PRMT8: variants seen among roughly 807,000 people sequenced by gnomAD.
PRMT8 encodes protein arginine methyltransferase 8.
A neutral mutation model predicts 47.1 loss-of-function variants in PRMT8; 7 were observed. The observed-to-expected ratio is 0.15, with a 90% CI of 0.08 to 0.28. The LOEUF is 0.28. Among genes scored for constraint, PRMT8 ranks in the 10% least tolerant of loss-of-function variants. The pLI, the probability that PRMT8 is intolerant of heterozygous loss-of-function variation, is 1.00. For missense variants in PRMT8, 237 were observed against 505.4 expected (o/e 0.47, Z 5.09); for synonymous variants, 188 against 186.5 (o/e 1.01, Z -0.07).
intron 1 of PRMT8, among the ~76,000 whole-genome samples, chr12:3,464,625 G>A (rs1403242831): frequency 6.6e-6 from 1 of 151,996 alleles, no homozygotes; most frequent in African/African-American, 2.4e-5. Context: ...CTGCCCTTAA[G>A]GGAAGAAAAG....
At chr12:3,466,853 T>C (rs1865101485) in intron 1 of PRMT8, among the ~76,000 whole-genome samples, 3 of 152,308 alleles carry the variant, frequency 2.0e-5, no homozygotes, top group Non-Finnish European at 2.9e-5. Context: ...CCTTCACTTA[T>C]TGCTGTATGG....
intron 1 of PRMT8, among the ~76,000 whole-genome samples, chr12:3,468,095 A>G (rs973071951): frequency 3.3e-5 from 5 of 152,226 alleles, no homozygotes; most frequent in African/African-American, 1.2e-4. Flanking sequence ...CAAAGGAAGA[A>G]TGTCCAGCAG....
At position 3,485,130 on chromosome 12, in the gene PRMT8, TA is replaced by T. The variant is rs147160341; in HGVS notation, c.49-55474del. Among the ~76,000 whole-genome samples, 1,169 of 152,296 alleles carry T rather than the reference TA, an allele frequency of 7.7e-3. 14 individuals carry two copies. Among genetic ancestry groups the T allele is most frequent in the African/African-American group, 0.026 (1,080 of 41,548 alleles). ...TTTTTCGGATCACAGTACTTCTTGG[TA>T]ACATGAAATCCATGCTCTGTTGCCC... On this transcript the variant is annotated intron_variant, in intron 1 of 9. Transcript: ENST00000452611.
rs918893456 is a variant in PRMT8, at chr12:3,508,127, T to G, written c.75+16427T>G. Among the ~76,000 whole-genome samples the G allele has an allele frequency of 6.6e-6, 1 of 152,092 alleles. No homozygotes were observed. The highest frequency in any genetic ancestry group is 2.4e-5 in the African/African-American group (1 of 41,328). On this transcript the variant is annotated intron_variant, in intron 1 of 9. Transcript: ENST00000382622. The surrounding 1 kb of genome is among the most constrained non-coding windows in gnomAD (Gnocchi z 4.9). ...CTGGTAGATGTTTTCTTCTTTTTCT[T>G]ACTGTTACAACTTTAAGATTTTTTT...
At chr12:3,592,548 A>G (rs528456197) in intron 9 of PRMT8, among the ~76,000 whole-genome samples, 196 bp downstream of exon 9, 10 of 152,092 alleles carry the variant, frequency 6.6e-5, no homozygotes, top group Non-Finnish European at 1.0e-4. Flanking sequence ...CTCCGCAAAT[A>G]GAGGTTTTCC....
rs1276940682 is a variant in PRMT8 at position 3,580,577 on chromosome 12, G to A, written c.829-2481G>A. Among the ~76,000 whole-genome samples, 2 of 152,128 alleles carry A rather than the reference G, an allele frequency of 1.3e-5. No individual in the cohort carries two copies. Among genetic ancestry groups the A allele is most frequent in the Non-Finnish European group, 2.9e-5 (2 of 68,034 alleles). ...AGTCAACACATATTGCTGTGTATTA[G>A]GTGCTGCTGTGCACTGAGGATACAC... is the stretch of plus-strand genomic sequence containing the variant. On this transcript the variant is annotated intron_variant, in intron 7 of 9. Transcript: ENST00000382622. The surrounding 1 kb of genome is among the most constrained non-coding windows in gnomAD (Gnocchi z 4.6).
intron 1 of PRMT8, among the ~76,000 whole-genome samples, chr12:3,532,576 C>T (rs1866048656): frequency 8.0e-6 from 1 of 124,774 alleles, no homozygotes; most frequent in Non-Finnish European, 1.6e-5. Flanking sequence ...CACGCCACTG[C>T]ACTCCAGCCT....
At chr12:3,480,632 A>G (rs1445934522) in intron 1 of PRMT8, among the ~76,000 whole-genome samples, 5 of 121,962 alleles carry the variant, frequency 4.1e-5, no homozygotes, top group Non-Finnish European at 8.5e-5. Context: ...GATTCTCCTG[A>G]CTTTAGTTCA....
In PRMT8 at chr12:3,492,998, A is replaced by T. The variant is rs866316771; in HGVS notation, c.75+1298A>T. On this transcript the variant is annotated intron_variant, in intron 1 of 9. Transcript: ENST00000382622. This position sits in a 1 kb window ranked among gnomAD's most constrained non-coding sequence, Gnocchi z 7.5. ...GACCCTTCCTGGTCTTCTTCCCTCG[A>T]GTTCTTAACTCTGCGCTAAAACCCC... is the stretch of plus-strand genomic sequence containing the variant. Among the ~76,000 whole-genome samples, 3 of 152,134 alleles carry T rather than the reference A, an allele frequency of 2.0e-5. No homozygotes were observed. Among genetic ancestry groups the T allele is most frequent in the Admixed American group, 1.3e-4 (2 of 15,274 alleles).
chr12:3,471,510 C>T (rs764933775), intron 1 of PRMT8, among the ~76,000 whole-genome samples: 4 of 151,760 alleles, frequency 2.6e-5, no homozygotes, highest in African/African-American at 4.8e-5. Flanking sequence ...TTCAGGGCTC[C>T]GAGGATCTGG....
Position 3,569,412 on chromosome 12 carries a change from C to G in PRMT8, c.625-65C>G. The G allele has an allele frequency of 1.5e-6, 2 of 1,378,048 alleles. No homozygotes were observed. The highest frequency in any genetic ancestry group is 1.0e-6 in the Non-Finnish European group (1 of 964,710). The allele number at this position is 1,378,048 out of a possible 1,614,324, so 85.4% of individuals were successfully genotyped here. On this transcript the variant is annotated intron_variant, in intron 5 of 9. Coordinates refer to ENST00000382622, the MANE Select transcript of PRMT8 (RefSeq NM_019854.5). The surrounding 1 kb of genome is among the most constrained non-coding windows in gnomAD (Gnocchi z 8.2). ...TTGTCTGGTGACTCTATGTGCAGTT[C>G]AAAATGTGATGTCTTTGTCAGGTGA...
rs1419781443 is a variant in PRMT8, at chr12:3,569,612, G to A, written c.712+48G>A. On this transcript the variant is annotated intron_variant, in intron 6 of 9. Coordinates refer to ENST00000382622, the MANE Select transcript of PRMT8 (RefSeq NM_019854.5). This position sits in a 1 kb window ranked among gnomAD's most constrained non-coding sequence, Gnocchi z 8.2. Reference sequence around the variant, plus strand: ...GGTGGACTTCCACTGCACAATTGGGGTGGGAGGCACTCCAGTGGGCCCGAG... The same window carrying A: ...GGTGGACTTCCACTGCACAATTGGGATGGGAGGCACTCCAGTGGGCCCGAG... 1.3e-6 allele frequency: 2 copies of A among 1,514,038 alleles called. No individual in the cohort carries two copies. Among genetic ancestry groups the A allele is most frequent in the African/African-American group, 1.4e-5 (1 of 72,758 alleles). 93.8% of individuals were successfully genotyped at this position (1,514,038 alleles called of 1,614,324 possible). A position where few individuals can be genotyped will look rare whatever the true frequency, so the allele number is the denominator to read the frequency against.
intron 1 of PRMT8, among the ~76,000 whole-genome samples, chr12:3,407,947 G>C (rs1311277878): frequency 6.6e-6 from 1 of 151,656 alleles, no homozygotes; most frequent in Non-Finnish European, 1.5e-5. Flanking sequence ...GAATTCTTCA[G>C]TTTCAGGATT....
chr12:3,383,412 G>A (rs757565240), intron 1 of PRMT8, among the ~76,000 whole-genome samples: 1 of 152,168 alleles, frequency 6.6e-6, no homozygotes, highest in Non-Finnish European at 1.5e-5. Flanking sequence ...GTAGCTTTCA[G>A]CATAAAAGTC....
chr12:3,431,540 G>A (rs1441692464), intron 1 of PRMT8, among the ~76,000 whole-genome samples: 2 of 152,168 alleles, frequency 1.3e-5, no homozygotes, highest in Admixed American at 1.3e-4. Flanking sequence ...ATGTTTCAGA[G>A]TTGGTGGAGG....
At chr12:3,397,243 A>T (rs372334913) in intron 1 of PRMT8, among the ~76,000 whole-genome samples, 1 of 151,744 alleles carries the variant, frequency 6.6e-6, no homozygotes, top group African/African-American at 2.4e-5. Flanking sequence ...GCTTTGTTCC[A>T]TTGCTGGTGA....
At chr12:3,533,897 G>A (rs775315201) in intron 1 of PRMT8, among the ~76,000 whole-genome samples, 1 of 152,256 alleles carries the variant, frequency 6.6e-6, no homozygotes, top group Non-Finnish European at 1.5e-5. Flanking sequence ...CAGGCAGATG[G>A]TTCTGGAAGA....
At chr12:3,490,673 CAAAGAG>C (rs1179719305), upstream of PRMT8, among the ~76,000 whole-genome samples, 4 of 65,170 alleles carry the variant, frequency 6.1e-5, no homozygotes, top group Admixed American at 2.2e-4. Context: ...GCTTTGGGTA[CAAAGAG>C]AGAGAGAGAG....
Position 3,570,913 on chromosome 12 carries a change from CA to C in PRMT8, c.712+1350del, listed in dbSNP as rs1203011621. Among the ~76,000 whole-genome samples the C allele has an allele frequency of 6.6e-6, 1 of 152,158 alleles. No individual in the cohort carries two copies. The highest frequency in any genetic ancestry group is 1.5e-5 in the Non-Finnish European group (1 of 68,026). On this transcript the variant is annotated intron_variant, in intron 6 of 9. Transcript: ENST00000382622. This position sits in a 1 kb window ranked among gnomAD's most constrained non-coding sequence, Gnocchi z 5.5. The stretch of plus-strand genomic sequence containing the variant: ...AATACCAAATGAGGACAGTGAGAGG[CA>C]GGGGGGCCCAGGTTAAATGCTTTGC...
Sources: allele counts gnomAD v4.1 joint callset (sites outside exome capture counted in the v4.1 genomes callset), GRCh38; gene constraint gnomAD v4.1.1; non-coding constraint Gnocchi (gnomAD v3.1); transcripts MANE v1.5; gene names NCBI Gene and HGNC (gene_info 2026-07-23, HGNC 2026-07-21).